Variants in MGAT5B observed in about 807,000 individuals in gnomAD.
The protein encoded by MGAT5B is N-acetylglucosaminyl-transferase Vb.
A neutral mutation model predicts 95.1 loss-of-function variants in MGAT5B; 54 were observed. The ratio of observed to expected loss-of-function variants is 0.57; its 90% CI spans 0.46 to 0.71. MGAT5B has a LOEUF of 0.71. Among genes scored for constraint, MGAT5B ranks in the 30% least tolerant of loss-of-function variants. MGAT5B has a pLI of 0.00. For missense variants in MGAT5B, 935 were observed against 1,088.6 expected, an observed-to-expected ratio of 0.86 and a Z score of 1.99; for synonymous variants, 464 against 451.0, an observed-to-expected ratio of 1.03 and a Z score of -0.36.
At chr17:76,888,606 T>C (rs1219853376) in intron 3 of MGAT5B, among the ~76,000 whole-genome samples, 1 of 152,132 alleles carries the variant, frequency 6.6e-6, no homozygotes, top group Non-Finnish European at 1.5e-5. Flanking sequence ...TAAATCTCTT[T>C]CCTGAGGTGG....
intron 5 of MGAT5B, 75 bp from the exon 6 acceptor site, chr17:76,904,177 G>A: frequency 1.1e-5 from 16 of 1,444,460 alleles, no homozygotes; most frequent in African/African-American, 1.4e-5. Context: ...GACCCCTGGG[G>A]GTGCACGTGC....
rs1477576655 is a variant in MGAT5B, at chr17:76,932,769, C to T, written c.1416C>T (p.Ile472=). 1.2e-6 allele frequency: 2 copies of T among 1,613,604 alleles called. No individual in the cohort carries two copies. Among genetic ancestry groups the T allele is most frequent in the Non-Finnish European group, 8.5e-7 (1 of 1,179,846 alleles). The change falls in exon 11 of 18, where the codon ATC becomes ATT. Residue 472 remains isoleucine (I), a synonymous_variant. Coordinates refer to ENST00000569840, the MANE Select transcript of MGAT5B (RefSeq NM_001199172.2). The part of the protein sequence containing the change: ...MAVVYGKEAS[I]WKLQGKEKFL... ...TGGTGTACGGCAAGGAGGCGAGCAT[C>T]TGGAAGGTGAGCGCGGCCCCTGCGC...
In MGAT5B at chr17:76,902,595, A is replaced by G. The variant is rs760791558; in HGVS notation, c.370A>G (p.Ile124Val). Reference protein sequence around the residue: ...GAGLMERIQAIAQNVSDIAVK... With the variant: ...GAGLMERIQAVAQNVSDIAVK... ...CGGCCTCATGGAGCGGATCCAGGCT[A>G]TTGCCCAGAACGTCTCCGACATCGC... The change falls in exon 4 of 18, where the codon ATT (isoleucine) becomes GTT (valine). Residue 124 changes from isoleucine (I) to valine (V), a missense_variant. Physicochemically the swap from Ile to Val is conservative, Grantham distance 29. Around this residue, in one of 4 missense-constraint regions of MGAT5B, gnomAD observed 243 missense variants for 228.2 expected, o/e 1.06. Transcript: ENST00000569840. 4 of 1,603,376 alleles carry G rather than the reference A, an allele frequency of 2.5e-6. No homozygotes were observed. The highest frequency in any genetic ancestry group is 3.4e-5 in the Admixed American group (2 of 59,144).
chr17:76,879,839 A>G (rs1967341416), intron 2 of MGAT5B, among the ~76,000 whole-genome samples: 1 of 151,524 alleles, frequency 6.6e-6, no homozygotes, highest in African/African-American at 2.4e-5. Flanking sequence ...GGAGCTATCT[A>G]TATCCTGTTT....
At position 76,917,700 on chromosome 17, in the gene MGAT5B, T is replaced by C. The variant is rs1968986076; in HGVS notation, c.1026-7266T>C. ...CAGCGGAGTCTTACCCCAAGGTCCC[T>C]GCACAGGTTGGTTCTCAGCAAAGGT... On this transcript the variant is annotated intron_variant, in intron 8 of 17. Coordinates refer to ENST00000569840, the MANE Select transcript of MGAT5B (RefSeq NM_001199172.2). The surrounding 1 kb of genome is among the most constrained non-coding windows in gnomAD (Gnocchi z 6.1). Among the ~76,000 whole-genome samples, 1 of 152,016 alleles carries C rather than the reference T, an allele frequency of 6.6e-6. No homozygotes were observed. Among genetic ancestry groups the C allele is most frequent in the African/African-American group, 2.4e-5 (1 of 41,374 alleles).
chr17:76,942,439 A>C (rs1434314812), intron 15 of MGAT5B, among the ~76,000 whole-genome samples: 1 of 152,190 alleles, frequency 6.6e-6, no homozygotes. Flanking sequence ...AGGCAGGAGA[A>C]TCGCTTGAAC....
rs1189719429 is a variant in MGAT5B at position 76,947,997 on chromosome 17, G to A, written c.2091G>A (p.Gly697=). ...TGCGGGCCTGGCTGGCCGTGCCTGG[G>A]AGGGCCTGCACCGACACCTGCCTGG... The part of the protein sequence containing the change: ...HALRAWLAVP[G]RACTDTCLDH... The change falls in exon 17 of 18, where the codon GGG becomes GGA. Residue 697 remains glycine, a synonymous_variant. Transcript: ENST00000569840. 5.6e-6 allele frequency: 9 copies of A among 1,612,348 alleles called. No individual in the cohort carries two copies. In the Admixed American group the frequency reaches 1.2e-4, roughly 21 times the overall value.
At chr17:76,897,205 C>T (rs1336345649) in intron 3 of MGAT5B, among the ~76,000 whole-genome samples, 1 of 152,198 alleles carries the variant, frequency 6.6e-6, no homozygotes, top group African/African-American at 2.4e-5. Flanking sequence ...GCGTGAACCT[C>T]TGGGCCTGGT....
At chr17:76,871,353 G>A (rs1195245093) in intron 1 of MGAT5B, among the ~76,000 whole-genome samples, 1 of 152,158 alleles carries the variant, frequency 6.6e-6, no homozygotes, top group African/African-American at 2.4e-5. Flanking sequence ...CTGCGCTAAG[G>A]AAAGTGTCCC....
chr17:76,891,158 T>A (rs536799845), intron 3 of MGAT5B, among the ~76,000 whole-genome samples: 181 of 150,752 alleles, frequency 1.2e-3, no homozygotes, highest in African/African-American at 4.2e-3. Context: ...AGAGATGGGG[T>A]TTCACCATGT....
chr17:76,897,660 A>ACTTTCTTTCTTTCTTTCTTTCTTT (rs772516557), intron 3 of MGAT5B, among the ~76,000 whole-genome samples: 58 of 69,414 alleles, frequency 8.4e-4, no homozygotes, highest in Middle Eastern at 7.9e-3. Flanking sequence ...AAGTAAGGCC[A>ACTTTCTTTCTTTCTTTCTTTCTTT]CTTTCTTTCT....
At chr17:76,943,042 G>A (rs550537405) in intron 15 of MGAT5B, among the ~76,000 whole-genome samples, 3 of 135,194 alleles carry the variant, frequency 2.2e-5, no homozygotes, top group Admixed American at 7.1e-5. Flanking sequence ...TTGCCCCCCC[G>A]GGAGGCCCAG....
intron 3 of MGAT5B, 162 bp downstream of exon 3, chr17:76,882,460 G>A (rs1263214427): frequency 3.8e-6 from 3 of 794,236 alleles, no homozygotes; most frequent in Non-Finnish European, 5.4e-6. Flanking sequence ...TTTAACAACC[G>A]TTAACATTTG....
intron 1 of MGAT5B, among the ~76,000 whole-genome samples, chr17:76,871,959 G>T (rs1183785885): frequency 6.6e-6 from 1 of 152,156 alleles, no homozygotes; most frequent in African/African-American, 2.4e-5. Context: ...TCTGTGCCTT[G>T]TTCCCTGCTG....
At position 76,948,623 on chromosome 17, in the gene MGAT5B, T is replaced by C; in HGVS notation, c.2181-17T>C. On this transcript the variant is annotated splice_polypyrimidine_tract_variant and intron_variant, in intron 17 of 17. Coordinates refer to ENST00000569840, the MANE Select transcript of MGAT5B (RefSeq NM_001199172.2). ...AGTGACCAACGCTGAGTGACGGTGC[T>C]GTGTGGTCCCTGCCAGGCTGCAGGT... The C allele has an allele frequency of 6.2e-7, 1 of 1,605,082 alleles. No homozygotes were observed. The highest frequency in any genetic ancestry group is 8.5e-7 in the Non-Finnish European group (1 of 1,176,486).
At chr17:76,911,892 G>T (rs1052723243) in intron 8 of MGAT5B, among the ~76,000 whole-genome samples, 5 of 152,204 alleles carry the variant, frequency 3.3e-5, no homozygotes, top group African/African-American at 1.2e-4. Context: ...CGTGCTGCAA[G>T]TCCAAGAGCC....
At chr17:76,903,834 A>G (rs533086464) in intron 5 of MGAT5B, among the ~76,000 whole-genome samples, 1 of 152,338 alleles carries the variant, frequency 6.6e-6, no homozygotes, top group African/African-American at 2.4e-5. Context: ...CTTGGTGACC[A>G]TCTGGGATCA....
intron 17 of MGAT5B, among the ~76,000 whole-genome samples, chr17:76,948,361 A>C (rs1473592086): frequency 1.3e-5 from 2 of 152,154 alleles, no homozygotes; most frequent in Non-Finnish European, 2.9e-5. Context: ...GCCTGTGGGC[A>C]TCGTCCTGTC....
At chr17:76,898,741 TA>T (rs1968192732) in intron 3 of MGAT5B, among the ~76,000 whole-genome samples, 1 of 152,134 alleles carries the variant, frequency 6.6e-6, no homozygotes, top group Non-Finnish European at 1.5e-5. Context: ...GTTACATGAG[TA>T]AGTTCTTTAG....
Sources: allele counts gnomAD v4.1 joint callset (sites outside exome capture counted in the v4.1 genomes callset), GRCh38; gene constraint gnomAD v4.1.1; regional missense constraint gnomAD v4.1.1; non-coding constraint Gnocchi (gnomAD v3.1); transcripts MANE v1.5; gene names NCBI Gene and HGNC (gene_info 2026-07-23, HGNC 2026-07-21).